RNF10: variants seen among roughly 807,000 people sequenced by gnomAD.
RNF10 encodes the protein ring finger protein 10.
A neutral mutation model predicts 91.4 loss-of-function variants in RNF10; 38 were observed. The ratio of observed to expected loss-of-function variants is 0.42; its 90% CI spans 0.32 to 0.54. RNF10 has a LOEUF of 0.54. RNF10 is among the 20% of genes least tolerant of loss of function. RNF10 has a pLI of 0.16. For missense variants in RNF10, 945 were observed against 1,012.0 expected (o/e 0.93, Z 0.90); for synonymous variants, 364 against 366.3 (o/e 0.99, Z 0.07).
intron 14 of RNF10, among the ~76,000 whole-genome samples, chr12:120,572,664 C>T (rs181029139): frequency 2.0e-5 from 3 of 151,678 alleles, no homozygotes; most frequent in Non-Finnish European, 2.9e-5. Context: ...GGCGTGATCT[C>T]GGCTCACTGC....
chr12:120,572,761 C>T (rs946168653), intron 14 of RNF10, among the ~76,000 whole-genome samples: 11 of 151,808 alleles, frequency 7.2e-5, no homozygotes, highest in Admixed American at 2.6e-4. Flanking sequence ...CCACCATGCC[C>T]GGCTAATTTT....
intron 6 of RNF10, among the ~76,000 whole-genome samples, chr12:120,559,321 T>G (rs891789718): frequency 3.3e-5 from 5 of 151,456 alleles, no homozygotes; most frequent in Admixed American, 2.6e-4. Context: ...AGCTGGCATT[T>G]CAGGCACCTG....
chr12:120,565,634 A>G (rs550086256), intron 12 of RNF10, 105 bp downstream of exon 12: 2 of 895,676 alleles, frequency 2.2e-6, no homozygotes, highest in South Asian at 1.5e-5. Context: ...GTTTTCTTCA[A>G]CTTTTAAATG....
intron 1 of RNF10, among the ~76,000 whole-genome samples, chr12:120,538,770 T>C (rs1275220056): frequency 6.6e-6 from 1 of 152,118 alleles, no homozygotes; most frequent in African/African-American, 2.4e-5. Flanking sequence ...TAAGGGAAGG[T>C]CAGGTATTAT....
At chr12:120,547,251 G>T (rs1474055419) in intron 2 of RNF10, among the ~76,000 whole-genome samples, 1 of 152,114 alleles carries the variant, frequency 6.6e-6, no homozygotes, top group Admixed American at 6.6e-5. Context: ...TGAGGAGGTG[G>T]ATTTTGAGAG....
chr12:120,536,929 G>A (rs1333071667), intron 1 of RNF10, among the ~76,000 whole-genome samples: 1 of 152,178 alleles, frequency 6.6e-6, no homozygotes, highest in Non-Finnish European at 1.5e-5. Flanking sequence ...AGGTATTTAA[G>A]GAATTTTACT....
chr12:120,552,458 C>A, intron 2 of RNF10, 41 bp from the exon 3 acceptor site: 2 of 1,535,814 alleles, frequency 1.3e-6, no homozygotes, highest in South Asian at 2.3e-5. Context: ...AAATCAGTGT[C>A]ATCCTAATCT....
At chr12:120,573,566 C>T (rs552026387) in intron 14 of RNF10, among the ~76,000 whole-genome samples, 6 of 151,196 alleles carry the variant, frequency 4.0e-5, no homozygotes, top group Admixed American at 2.6e-4. Context: ...AAAAGATTAC[C>T]CGACGCCGAG....
intron 14 of RNF10, among the ~76,000 whole-genome samples, chr12:120,572,061 G>GT (rs34773021): frequency 0.69 from 99,945 of 143,974 alleles, 35,483 homozygotes; most frequent in East Asian, 0.84. Flanking sequence ...TATCTTGACA[G>GT]TTTTTTTTTT....
At chr12:120,558,816 C>G (rs1413241968) in intron 6 of RNF10, among the ~76,000 whole-genome samples, 1 of 151,456 alleles carries the variant, frequency 6.6e-6, no homozygotes, top group Non-Finnish European at 1.5e-5. Flanking sequence ...AGTGATCTGC[C>G]CGCCTTACCT....
chr12:120,565,313 A>G (rs1343062388), intron 11 of RNF10, 115 bp from the exon 12 acceptor site: 11 of 1,148,878 alleles, frequency 9.6e-6, no homozygotes, highest in Admixed American at 3.5e-5. Context: ...TAAACACTTC[A>G]TCTGTTCATC....
intron 14 of RNF10, among the ~76,000 whole-genome samples, chr12:120,571,988 C>T (rs1427038247): frequency 6.6e-6 from 1 of 151,904 alleles, no homozygotes; most frequent in Non-Finnish European, 1.5e-5. Context: ...GATGGATGGA[C>T]AGCTTGACAT....
chr12:120,575,923 A>T lies in RNF10; in HGVS notation c.2332A>T (p.Thr778Ser). 6.2e-7 allele frequency: 1 copy of T among 1,613,958 alleles called. No homozygotes were observed. Among genetic ancestry groups the T allele is most frequent in the Non-Finnish European group, 8.5e-7 (1 of 1,180,024 alleles). The change falls in exon 16 of 17, where the codon ACA (threonine) becomes TCA (serine). Residue 778 changes from threonine to serine, a missense_variant. Transcript: ENST00000325954. ...AIEAAFMKLD[T>S]PATSDPLSEE... Reference sequence around the variant, plus strand: ...TGAAGCAGCCTTCATGAAACTGGACACACCAGCTACTTCAGATCCCCTCTC... The same window carrying T: ...TGAAGCAGCCTTCATGAAACTGGACTCACCAGCTACTTCAGATCCCCTCTC...
intron 14 of RNF10, chr12:120,575,307 G>T: frequency 3.4e-6 from 1 of 296,180 alleles, no homozygotes; most frequent in Non-Finnish European, 6.4e-6. Flanking sequence ...CCCAGGAAGG[G>T]CAGAAAAACT....
At chr12:120,567,971 T>C (rs200013056) in intron 13 of RNF10, among the ~76,000 whole-genome samples, 3 of 108,744 alleles carry the variant, frequency 2.8e-5, no homozygotes, top group Non-Finnish European at 5.6e-5. Context: ...TAGAAAAGAA[T>C]TGAAGGCCAG....
intron 14 of RNF10, among the ~76,000 whole-genome samples, chr12:120,572,689 G>A (rs1024758275): frequency 7.9e-5 from 12 of 151,772 alleles, no homozygotes; most frequent in African/African-American, 2.7e-4. Flanking sequence ...ACCGCCTCCC[G>A]GGTTCAAGCA....
At chr12:120,555,612 C>T (rs146861677) in intron 4 of RNF10, among the ~76,000 whole-genome samples, 4 of 151,566 alleles carry the variant, frequency 2.6e-5, no homozygotes. Flanking sequence ...CTCAGCCTCC[C>T]GAGTAACTGG....
chr12:120,552,493 C>G lies in RNF10; in HGVS notation c.355-6C>G, dbSNP rs910032089. 1.2e-6 allele frequency: 2 copies of G among 1,612,194 alleles called. No homozygotes were observed. The highest frequency in any genetic ancestry group is 1.3e-5 in the African/African-American group (1 of 75,012). On this transcript the variant is annotated splice_region_variant and splice_polypyrimidine_tract_variant and intron_variant, in intron 2 of 16. Coordinates refer to ENST00000325954, the MANE Select transcript of RNF10 (RefSeq NM_014868.5). ...TGAAATACTGATTCATTCTCATTCT[C>G]TCTAGGTAGCAGAGGCTCAACGGGC...
Position 120,575,742 on chromosome 12 carries a change from G to T in RNF10, c.2201-50G>T, listed in dbSNP as rs752583784. 17 of 1,613,768 alleles carry T rather than the reference G, an allele frequency of 1.1e-5. No homozygotes were observed. The African/African-American group carries it at 2.1e-4, about 20-fold the overall frequency. On this transcript the variant is annotated intron_variant, in intron 15 of 16. Transcript: ENST00000325954. Reference sequence around the variant, plus strand: ...GTTTGGCTTCTTTCCATAAAAGGCTGTTTCTAGAAAAAGAGTTGTTTCTAT... The same window carrying T: ...GTTTGGCTTCTTTCCATAAAAGGCTTTTTCTAGAAAAAGAGTTGTTTCTAT...
Sources: allele counts gnomAD v4.1 joint callset (sites outside exome capture counted in the v4.1 genomes callset), GRCh38; gene constraint gnomAD v4.1.1; transcripts MANE v1.5; gene names NCBI Gene and HGNC (gene_info 2026-07-23, HGNC 2026-07-21).